Variants in HAO2 observed in about 807,000 individuals in gnomAD.
HAO2 encodes the protein hydroxyacid oxidase 2, also known as 2-Hydroxyacid oxidase 2.
In HAO2, 42 loss-of-function variants were observed where a neutral mutation model predicts 37.4. That is an observed-to-expected ratio of 1.12 (90% CI 0.88 to 1.45). The LOEUF is 1.45. HAO2 is among the 40% of genes most tolerant of loss of function. HAO2 has a pLI of 0.00. For missense variants in HAO2, 476 were observed against 430.2 expected (o/e 1.11, Z -0.94); for synonymous variants, 180 against 162.8 (o/e 1.11, Z -0.81).
chr1:119,379,029 A>G (rs1649704563), intron 1 of HAO2, among the ~76,000 whole-genome samples: 1 of 152,232 alleles, frequency 6.6e-6, no homozygotes, highest in Non-Finnish European at 1.5e-5. Flanking sequence ...GATGCAAAGC[A>G]AACTTAGCAA....
intron 1 of HAO2, among the ~76,000 whole-genome samples, chr1:119,372,039 G>A (rs1205628033): frequency 2.0e-5 from 3 of 152,166 alleles, no homozygotes; most frequent in African/African-American, 7.2e-5. Flanking sequence ...GCATTTGTTT[G>A]AAACTCAGAA....
intron 5 of HAO2, among the ~76,000 whole-genome samples, chr1:119,390,496 G>A (rs587756845): frequency 4.4e-4 from 67 of 152,276 alleles, no homozygotes; most frequent in Non-Finnish European, 8.1e-4. Flanking sequence ...TGGTTCACCC[G>A]CCTCAGCCTC....
Position 119,393,941 on chromosome 1 carries a change from C to A in HAO2, c.*101C>A. Reference sequence around the variant, plus strand: ...TGTCCTTCCTGGACCCCATTCTGTCCGGAGGCTCATGGCCCATATTTCCCA... The same window carrying A: ...TGTCCTTCCTGGACCCCATTCTGTCAGGAGGCTCATGGCCCATATTTCCCA... On this transcript the variant is annotated 3_prime_UTR_variant, in exon 8 of 8. Coordinates refer to ENST00000325945, the MANE Select transcript of HAO2 (RefSeq NM_016527.4). 6.3e-7 allele frequency: 1 copy of A among 1,586,922 alleles called. No homozygotes were observed. Among genetic ancestry groups the A allele is most frequent in the Non-Finnish European group, 8.6e-7 (1 of 1,160,768 alleles).
intron 1 of HAO2, among the ~76,000 whole-genome samples, chr1:119,373,593 C>T (rs1441462790): frequency 6.6e-6 from 1 of 152,126 alleles, no homozygotes; most frequent in East Asian, 1.9e-4. Flanking sequence ...GTCACAATAA[C>T]TTCAGAGTGA....
chr1:119,392,797 A>G (rs1651018991), intron 7 of HAO2, 110 bp downstream of exon 7: 1 of 778,838 alleles, frequency 1.3e-6, no homozygotes, highest in African/African-American at 1.7e-5. Flanking sequence ...AGCTGTCCAA[A>G]AGATAGGACA....
At chr1:119,385,512 G>A (rs368161261) in intron 4 of HAO2, 11 of 838,492 alleles carry the variant, frequency 1.3e-5, no homozygotes, top group Non-Finnish European at 1.6e-5. Flanking sequence ...GACAGGCCAG[G>A]TTCTACCTTA....
intron 1 of HAO2, among the ~76,000 whole-genome samples, chr1:119,371,530 C>T (rs751088639): frequency 3.9e-5 from 6 of 152,064 alleles, no homozygotes; most frequent in Non-Finnish European, 8.8e-5. Flanking sequence ...AGGTCCGTGC[C>T]AACTCTGTCA....
intron 4 of HAO2, 105 bp from the exon 5 acceptor site, chr1:119,386,517 C>A: frequency 1.4e-6 from 1 of 736,288 alleles, no homozygotes; most frequent in South Asian, 1.6e-5. Context: ...TGTTCTTCCT[C>A]CTTCCAGTTT....
intron 7 of HAO2, 60 bp from the exon 8 acceptor site, chr1:119,393,725 T>A: frequency 2.2e-6 from 3 of 1,383,570 alleles, no homozygotes; most frequent in Non-Finnish European, 3.1e-6. Flanking sequence ...CCCTTACCCA[T>A]GATGAGGTGA....
At chr1:119,372,849 C>G (rs1444023840) in intron 1 of HAO2, among the ~76,000 whole-genome samples, 1 of 152,174 alleles carries the variant, frequency 6.6e-6, no homozygotes, top group Non-Finnish European at 1.5e-5. Flanking sequence ...TACTTTATTG[C>G]CATGAAGTAA....
intron 1 of HAO2, among the ~76,000 whole-genome samples, chr1:119,376,983 T>C (rs1030153368): frequency 4.6e-5 from 7 of 152,248 alleles, no homozygotes; most frequent in African/African-American, 1.7e-4. Context: ...ATTTGGCTCC[T>C]CGTTACATAT....
chr1:119,379,880 C>G (rs1356392180), intron 1 of HAO2, among the ~76,000 whole-genome samples: 2 of 152,136 alleles, frequency 1.3e-5, no homozygotes, highest in Non-Finnish European at 2.9e-5. Flanking sequence ...CAAGTTCTGC[C>G]CCATCCCTGC....
Position 119,394,052 on chromosome 1 carries a change from A to C in HAO2, c.*212A>C, listed in dbSNP as rs1309973664. 3 of 1,373,638 alleles carry C rather than the reference A, an allele frequency of 2.2e-6. No homozygotes were observed. The highest frequency in any genetic ancestry group is 2.8e-6 in the Non-Finnish European group (3 of 1,057,730). 85.1% of individuals were successfully genotyped at this position (1,373,638 alleles called of 1,614,324 possible). A position where few individuals can be genotyped will look rare whatever the true frequency, so the allele number is the denominator to read the frequency against. On this transcript the variant is annotated 3_prime_UTR_variant, in exon 8 of 8. Coordinates refer to ENST00000325945, the MANE Select transcript of HAO2 (RefSeq NM_016527.4). ...TTCCATGCCCTTCTTTGTATCACTG[A>C]CTATTATATGTTGCTCTCTTGCCTA...
chr1:119,392,380 A>T, intron 6 of HAO2, 112 bp downstream of exon 6: 2 of 947,546 alleles, frequency 2.1e-6, no homozygotes, highest in East Asian at 2.5e-5. Flanking sequence ...TTCCTAAAGG[A>T]TAGTTACACC....
intron 1 of HAO2, among the ~76,000 whole-genome samples, chr1:119,379,654 A>G (rs1165459897): frequency 6.6e-6 from 1 of 152,188 alleles, no homozygotes; most frequent in East Asian, 1.9e-4. Context: ...ACTCACTGGC[A>G]GACTACTTTT....
In HAO2 at chr1:119,384,903, G is replaced by C; in HGVS notation, c.411G>C (p.Leu137=). Reference sequence around the variant, plus strand: ...TCTATGTGCATCCAGACCTGCAGCTGAACAAACAGTTGATCCAGAGGGTAG... The same window carrying C: ...TCTATGTGCATCCAGACCTGCAGCTCAACAAACAGTTGATCCAGAGGGTAG... The part of the protein sequence containing the change: ...FQLYVHPDLQ[L]NKQLIQRVES... The change falls in exon 4 of 8, where the codon CTG becomes CTC. Residue 137 remains leucine (L), a synonymous_variant. Coordinates refer to ENST00000325945, the MANE Select transcript of HAO2 (RefSeq NM_016527.4). 6.2e-7 allele frequency: 1 copy of C among 1,613,996 alleles called. No individual in the cohort carries two copies. Among genetic ancestry groups the C allele is most frequent in the Non-Finnish European group, 8.5e-7 (1 of 1,179,902 alleles).
chr1:119,374,538 G>T (rs587683162), intron 1 of HAO2, among the ~76,000 whole-genome samples: 4 of 152,270 alleles, frequency 2.6e-5, no homozygotes, highest in African/African-American at 9.6e-5. Context: ...AGTTCCTAAA[G>T]AACTAGGCCA....
intron 4 of HAO2, chr1:119,385,354 C>T: frequency 1.0e-6 from 1 of 984,612 alleles, no homozygotes; most frequent in Middle Eastern, 5.2e-4. Context: ...AATATTTTTG[C>T]ACGAACTGGA....
At chr1:119,390,512 G>A (rs1164333326) in intron 5 of HAO2, among the ~76,000 whole-genome samples, 1 of 152,194 alleles carries the variant, frequency 6.6e-6, no homozygotes, top group Non-Finnish European at 1.5e-5. Context: ...GCCTCCCAAA[G>A]TGCTGGAATT....
Sources: allele counts gnomAD v4.1 joint callset (sites outside exome capture counted in the v4.1 genomes callset), GRCh38; gene constraint gnomAD v4.1.1; transcripts MANE v1.5; gene names NCBI Gene and HGNC (gene_info 2026-07-23, HGNC 2026-07-21).